Variants in KCNK2 observed in about 807,000 individuals in gnomAD.
The protein encoded by KCNK2 is potassium channel subfamily K member 2.
In KCNK2, 21 loss-of-function variants were observed where a neutral mutation model predicts 40.5. That is an observed-to-expected ratio of 0.52 (90% confidence interval 0.37 to 0.75). The LOEUF (loss-of-function observed/expected upper bound fraction) is 0.75, where lower values mean the gene tolerates loss of function less well. Ranked by LOEUF, KCNK2 falls within the 30% of genes least tolerant of loss-of-function variation. The pLI is 0.00. For missense variants in KCNK2, 399 were observed against 531.6 expected (o/e 0.75, Z 2.45); for synonymous variants, 191 against 202.2 (o/e 0.94, Z 0.47).
At chr1:215,123,832 C>T (rs1241990045) in intron 2 of KCNK2, among the ~76,000 whole-genome samples, 1 of 152,158 alleles carries the variant, frequency 6.6e-6, no homozygotes, top group Non-Finnish European at 1.5e-5. Flanking sequence ...TTTCTCCTAA[C>T]ATATTGTCTT....
chr1:215,164,514 T>C (rs201789290), intron 3 of KCNK2, among the ~76,000 whole-genome samples: 1 of 151,880 alleles, frequency 6.6e-6, no homozygotes, highest in African/African-American at 2.4e-5. Flanking sequence ...TGTTAGGGTG[T>C]TGATTTTAGA....
chr1:215,190,018 C>T (rs1352253815), intron 5 of KCNK2, among the ~76,000 whole-genome samples: 3 of 152,052 alleles, frequency 2.0e-5, no homozygotes, highest in East Asian at 3.9e-4. Flanking sequence ...AACAGATATG[C>T]CATTTTAGAA....
chr1:215,093,509 A>C (rs1362864066), intron 2 of KCNK2, among the ~76,000 whole-genome samples: 1 of 7,264 alleles, frequency 1.4e-4, no homozygotes, highest in Non-Finnish European at 3.5e-4. Flanking sequence ...ATTATATATA[A>C]AATATAGGAT....
intron 6 of KCNK2, among the ~76,000 whole-genome samples, chr1:215,197,802 T>A (rs746568701): frequency 3.3e-5 from 5 of 152,142 alleles, no homozygotes; most frequent in Non-Finnish European, 5.9e-5. Flanking sequence ...CAGTTTAAGA[T>A]CAGTCTAGCC....
chr1:215,131,242 A>C (rs960163358), intron 3 of KCNK2, among the ~76,000 whole-genome samples: 1 of 151,250 alleles, frequency 6.6e-6, no homozygotes, highest in African/African-American at 2.4e-5. Flanking sequence ...CGTATGGACA[A>C]CTGTATTCTA....
chr1:215,052,091 G>A (rs2102500219), intron 1 of KCNK2, among the ~76,000 whole-genome samples: 1 of 152,264 alleles, frequency 6.6e-6, no homozygotes, highest in Non-Finnish European at 1.5e-5. Context: ...TCCTGTCATG[G>A]AGCTTACATT....
chr1:215,119,647 A>G (rs1404250154), intron 2 of KCNK2, among the ~76,000 whole-genome samples: 1 of 152,148 alleles, frequency 6.6e-6, no homozygotes, highest in African/African-American at 2.4e-5. Flanking sequence ...TTTCTTATTA[A>G]TCAGCACTTC....
At chr1:215,090,488 A>G (rs1387387046) in intron 2 of KCNK2, among the ~76,000 whole-genome samples, 3 of 152,202 alleles carry the variant, frequency 2.0e-5, no homozygotes, top group African/African-American at 4.8e-5. Context: ...TACATATAGC[A>G]TATCTTTCTT....
Position 215,174,402 on chromosome 1 carries a change from T to C in KCNK2, c.823+2219T>C, listed in dbSNP as rs575128888. Among the ~76,000 whole-genome samples the C allele has an allele frequency of 2.0e-5, 3 of 152,278 alleles. No individual in the cohort carries two copies. In the East Asian group the frequency reaches 5.8e-4, roughly 29 times the overall value. On this transcript the variant is annotated intron_variant, in intron 5 of 6. Transcript: ENST00000444842. ...TGTAGTATAGTTTGAAGTCAAGTAG[T>C]GTGATGCCTCCAGCTTTGTTCTTTT... is the stretch of plus-strand genomic sequence containing the variant.
At position 215,064,710 on chromosome 1, in the gene KCNK2, C is replaced by T. The variant is rs371630054; in HGVS notation, c.35-21658C>T. ...GTATCGTCTTCAGGGAGCTGAGAAA[C>T]AGGGGCCACTCTGTTTTTCTTTAAC... is the stretch of plus-strand genomic sequence containing the variant. On this transcript the variant is annotated intron_variant, in intron 1 of 6. Transcript: ENST00000391895. 1.0e-3 allele frequency among the ~76,000 whole-genome samples: 153 copies of T among 152,300 alleles called. 5 individuals carry two copies. The South Asian group carries it at 0.031, about 31-fold the overall frequency.
intron 1 of KCNK2, among the ~76,000 whole-genome samples, chr1:215,065,614 G>A (rs1157493): frequency 0.26 from 39,455 of 151,980 alleles, 5,997 homozygotes; most frequent in South Asian, 0.57. Flanking sequence ...ATGGTAAAAG[G>A]GATTTGTGAA....
At chr1:215,194,488 G>T (rs1664786760) in intron 5 of KCNK2, among the ~76,000 whole-genome samples, 2 of 152,134 alleles carry the variant, frequency 1.3e-5, no homozygotes, top group Non-Finnish European at 2.9e-5. Context: ...CACTAGAGTT[G>T]TTCACTTGCT....
At position 215,083,236 on chromosome 1, in the gene KCNK2, C is replaced by G; in HGVS notation, c.-150C>G. On this transcript the variant is annotated 5_prime_UTR_variant, in exon 1 of 7. Coordinates refer to ENST00000444842, the MANE Select transcript of KCNK2 (RefSeq NM_001017425.3). ...CCCGCGTCCAGCCCCGCTCTCCCCACCTTGTAAAACAAAGCCGGGGAAAAT... is the reference window on the plus strand; with the variant it reads ...CCCGCGTCCAGCCCCGCTCTCCCCAGCTTGTAAAACAAAGCCGGGGAAAAT... The G allele has an allele frequency of 1.9e-6, 3 of 1,606,950 alleles. No individual in the cohort carries two copies. The highest frequency in any genetic ancestry group is 2.6e-6 in the Non-Finnish European group (3 of 1,176,050).
chr1:215,136,128 A>G (rs1247703633), intron 3 of KCNK2, among the ~76,000 whole-genome samples: 1 of 151,972 alleles, frequency 6.6e-6, no homozygotes, highest in Non-Finnish European at 1.5e-5. Context: ...TTCTGGAGGC[A>G]GAGTCTCACT....
chr1:215,111,308 A>G (rs1558095870), intron 2 of KCNK2, among the ~76,000 whole-genome samples: 2 of 152,136 alleles, frequency 1.3e-5, no homozygotes, highest in Non-Finnish European at 2.9e-5. Flanking sequence ...TCCTGATCTT[A>G]AAAGAAAAGC....
rs190207261 is a variant in KCNK2 at position 215,006,455 on chromosome 1, G to T, written c.34+500G>T. On this transcript the variant is annotated intron_variant, in intron 1 of 6. Coordinates refer to the KCNK2 transcript ENST00000391895. ...AGAATCTTGGAAATGGGGAAGAAAA[G>T]GTACGATAGTTTAAACTAAATCTTG... 2.4e-4 allele frequency among the ~76,000 whole-genome samples: 36 copies of T among 152,174 alleles called. No homozygotes were observed. In the South Asian group the frequency reaches 5.6e-3, roughly 24 times the overall value.
intron 1 of KCNK2, chr1:215,083,742 C>T: frequency 2.1e-6 from 1 of 476,034 alleles, no homozygotes; most frequent in Non-Finnish European, 3.8e-6. Flanking sequence ...GCAGGCAGGA[C>T]TCATGGTGAC....
rs559029630 is a variant in KCNK2, at chr1:215,061,077, C to G, written c.35-25291C>G. On this transcript the variant is annotated intron_variant, in intron 1 of 6. Coordinates refer to the KCNK2 transcript ENST00000391895. ...ATATTATGATTTTTTGACCATTGCT[C>G]TAATGATGAACATAAACTTACTACA... 9.2e-5 allele frequency among the ~76,000 whole-genome samples: 14 copies of G among 152,136 alleles called. No homozygotes were observed. In the East Asian group the frequency reaches 2.7e-3, roughly 29 times the overall value.
chr1:215,042,855 C>T (rs1657614174), intron 1 of KCNK2, among the ~76,000 whole-genome samples: 1 of 152,170 alleles, frequency 6.6e-6, no homozygotes, highest in South Asian at 2.1e-4. Context: ...GCCTAATTAA[C>T]TTTTTCTAAA....
Sources: gnomAD v4.1 joint callset for allele counts (sites outside exome capture counted in the v4.1 genomes callset) on GRCh38, gnomAD v4.1.1 for gene constraint, MANE v1.5 for transcripts, NCBI Gene and HGNC (gene_info 2026-07-23, HGNC 2026-07-21) for gene names.